WDR11: variants seen among roughly 807,000 people sequenced by gnomAD.
The protein encoded by WDR11 is WD repeat-containing protein 11.
Under a neutral mutation model 151.2 loss-of-function variants are expected in WDR11, and 83 were observed. That is an observed-to-expected ratio of 0.55 (90% CI 0.46 to 0.66). The LOEUF is 0.66. Among genes scored for constraint, WDR11 ranks in the 30% least tolerant of loss-of-function variants. WDR11 has a pLI of 0.00. For missense variants in WDR11, 1,301 were observed against 1,480.9 expected, an observed-to-expected ratio of 0.88 and a Z score of 1.99; for synonymous variants, 484 against 533.1, an observed-to-expected ratio of 0.91 and a Z score of 1.27.
intron 27 of WDR11, chr10:120,906,524 C>A (rs1375061631): frequency 7.4e-7 from 1 of 1,357,078 alleles, no homozygotes; most frequent in Non-Finnish European, 9.5e-7. Context: ...CTTGTCATAT[C>A]TCTGTAGATT....
At chr10:120,898,491 A>AT (rs1847693208) in intron 19 of WDR11, among the ~76,000 whole-genome samples, 1 of 152,198 alleles carries the variant, frequency 6.6e-6, no homozygotes, top group Non-Finnish European at 1.5e-5. Flanking sequence ...ATCATACTGG[A>AT]TAATTGCACA....
rs527450695 is a variant in WDR11, at chr10:120,898,144, G to A, written c.2516-1885G>A. On this transcript the variant is annotated intron_variant, in intron 19 of 28. Coordinates refer to ENST00000263461, the MANE Select transcript of WDR11 (RefSeq NM_018117.12). ...TTTTATTTAAGCCAATATATCCAAA[G>A]TTTTATTTCAACATATAATCAGTAT... Among the ~76,000 whole-genome samples the A allele has an allele frequency of 3.3e-5, 5 of 152,144 alleles. No homozygotes were observed. In the South Asian group the frequency reaches 1.0e-3, roughly 32 times the overall value.
At position 120,889,956 on chromosome 10, in the gene WDR11, C is replaced by G. The variant is rs756592462; in HGVS notation, c.2290C>G (p.Gln764Glu). The change falls in exon 18 of 29, where the codon CAA becomes GAA. Residue 764 changes from glutamine (Q) to glutamate (E), a missense_variant. By Grantham distance (29) the Gln-to-Glu change is conservative (BLOSUM62 2). Around this residue, in one of 3 missense-constraint regions of WDR11, gnomAD observed 589 missense variants for 670.6 expected, o/e 0.88. Transcript: ENST00000263461. ...TCGTTTTGCTCCTGGTAAAGGAAAT[C>G]AAAAATTAATAGCAATGTACAATGA... ...KIRFAPGKGN[Q>E]KLIAMYNDGA... is the part of the protein sequence containing the mutation. 1.2e-6 allele frequency: 2 copies of G among 1,613,856 alleles called. No homozygotes were observed. The highest frequency in any genetic ancestry group is 1.7e-6 in the Non-Finnish European group (2 of 1,179,934).
intron 25 of WDR11, 70 bp from the exon 26 acceptor site, chr10:120,905,249 T>C (rs993333928): frequency 7.4e-6 from 11 of 1,494,080 alleles, no homozygotes; most frequent in Non-Finnish European, 1.0e-5. Flanking sequence ...AAATGGGGAT[T>C]TAACTTTTTA....
intron 2 of WDR11, 78 bp from the exon 3 acceptor site, chr10:120,858,565 T>C: frequency 6.5e-7 from 1 of 1,539,688 alleles, no homozygotes; most frequent in Non-Finnish European, 9.0e-7. Flanking sequence ...GTATGGGTTC[T>C]GGTTGATGTT....
At chr10:120,856,663 A>AT (rs1845958999) in intron 2 of WDR11, among the ~76,000 whole-genome samples, 1 of 150,880 alleles carries the variant, frequency 6.6e-6, no homozygotes, top group Non-Finnish European at 1.5e-5. Context: ...TCTCTGCATT[A>AT]TATCTTTTTT....
At chr10:120,858,547 T>C in intron 2 of WDR11, 96 bp from the exon 3 acceptor site, 1 of 1,412,954 alleles carries the variant, frequency 7.1e-7, no homozygotes, top group Non-Finnish European at 9.9e-7. Context: ...TTATGTAATA[T>C]AAATGTAGTA....
intron 13 of WDR11, among the ~76,000 whole-genome samples, chr10:120,883,394 A>G (rs1190251053): frequency 6.6e-6 from 1 of 152,206 alleles, no homozygotes; most frequent in Non-Finnish European, 1.5e-5. Context: ...GTAGAATGAT[A>G]GAAACTTTAC....
rs781459797 is a variant in WDR11 at position 120,906,014 on chromosome 10, C to A, written c.3430C>A (p.Leu1144Ile). The A allele has an allele frequency of 4.3e-6, 7 of 1,613,730 alleles. No homozygotes were observed. In the Admixed American group the frequency reaches 1.2e-4, roughly 27 times the overall value. Residue 1144 changes from leucine (L) to isoleucine (I), a missense_variant, in exon 27 of 29, where the codon CTT becomes ATT. Around this residue, in one of 3 missense-constraint regions of WDR11, gnomAD observed 589 missense variants for 670.6 expected, o/e 0.88. Transcript: ENST00000263461. ...CTGCTTTTTTAGCGTGGCAGAGACG[C>A]TTCACAGGTAAACCGAGAGTTCACA... ...LGCFFSVAET[L>I]HSMRYFDRAA...
Position 120,886,731 on chromosome 10 carries a change from C to G in WDR11, c.2016C>G (p.Asn672Lys), listed in dbSNP as rs778425131. 9.3e-6 allele frequency: 15 copies of G among 1,614,022 alleles called. No homozygotes were observed. The highest frequency in any genetic ancestry group is 1.3e-5 in the Non-Finnish European group (15 of 1,179,972). The change falls in exon 16 of 29, where the codon AAC (asparagine) becomes AAG (lysine). Residue 672 changes from asparagine (N) to lysine (K), a missense_variant. Asn to Lys is a moderately conservative substitution (Grantham distance 94, BLOSUM62 0). Around this residue, in one of 3 missense-constraint regions of WDR11, gnomAD observed 589 missense variants for 670.6 expected, o/e 0.88. Coordinates refer to ENST00000263461, the MANE Select transcript of WDR11 (RefSeq NM_018117.12). ...AAAGTAAATCTGAACTTAGTCAGAA[C>G]ATCTCTGCCCGGGAACATTTTGTAT... ...EAESKSELSQ[N>K]ISAREHFVFT...
chr10:120,894,924 G>A (rs1289467950), intron 19 of WDR11, among the ~76,000 whole-genome samples: 1 of 90,552 alleles, frequency 1.1e-5, no homozygotes, highest in African/African-American at 6.7e-5. Context: ...TCATTTGAGG[G>A]AGGGAAGTAG....
At chr10:120,906,683 G>A (rs1848063309) in intron 27 of WDR11, 93 bp from the exon 28 acceptor site, 11 of 1,608,502 alleles carry the variant, frequency 6.8e-6, no homozygotes, top group Non-Finnish European at 9.3e-6. Context: ...GGTTTCCAGG[G>A]AAAATGTGTA....
chr10:120,858,943 A>C, intron 3 of WDR11, 147 bp downstream of exon 3: 3 of 993,424 alleles, frequency 3.0e-6, no homozygotes, highest in Non-Finnish European at 4.6e-6. Flanking sequence ...TGCTGATCTA[A>C]ATCTGGCTTT....
At chr10:120,906,563 T>C in intron 27 of WDR11, 3 of 1,415,218 alleles carry the variant, frequency 2.1e-6, no homozygotes, top group Non-Finnish European at 2.8e-6. Context: ...TTCACAATTT[T>C]TTAAAGTATT....
intron 13 of WDR11, among the ~76,000 whole-genome samples, chr10:120,882,371 C>T (rs1010074665): frequency 6.6e-6 from 1 of 151,408 alleles, no homozygotes; most frequent in Admixed American, 6.6e-5. Flanking sequence ...GTTTTGGTAT[C>T]AGGGTAATAC....
chr10:120,899,857 C>T, intron 19 of WDR11, 172 bp from the exon 20 acceptor site: 2 of 631,464 alleles, frequency 3.2e-6, no homozygotes, highest in Non-Finnish European at 5.6e-6. Flanking sequence ...TGCAGAGACT[C>T]TCTCTGCTCT....
At chr10:120,873,468 G>A (rs1041176039) in intron 10 of WDR11, among the ~76,000 whole-genome samples, 1 of 152,180 alleles carries the variant, frequency 6.6e-6, no homozygotes, top group Non-Finnish European at 1.5e-5. Context: ...CTGCTAGATT[G>A]CTTATTTGAG....
chr10:120,895,988 T>G (rs1847602148), intron 19 of WDR11, among the ~76,000 whole-genome samples: 1 of 152,176 alleles, frequency 6.6e-6, no homozygotes, highest in African/African-American at 2.4e-5. Flanking sequence ...AGATGTACAT[T>G]CATACCCTGT....
intron 2 of WDR11, among the ~76,000 whole-genome samples, chr10:120,856,389 A>G (rs1212853562): frequency 2.6e-5 from 4 of 152,012 alleles, no homozygotes; most frequent in Non-Finnish European, 5.9e-5. Flanking sequence ...AGCCTGGCCA[A>G]CAAGGCAAAA....
Sources: allele counts gnomAD v4.1 joint callset (sites outside exome capture counted in the v4.1 genomes callset), GRCh38; gene constraint gnomAD v4.1.1; regional missense constraint gnomAD v4.1.1; transcripts MANE v1.5; gene names NCBI Gene and HGNC (gene_info 2026-07-23, HGNC 2026-07-21).